Variants in TAMM41 observed in about 807,000 individuals in gnomAD.
TAMM41 encodes the protein TAM41 mitochondrial translocator assembly and maintenance homolog.
Under a neutral mutation model 44.1 loss-of-function variants are expected in TAMM41, and 36 were observed. That is an observed-to-expected ratio of 0.82 (90% CI 0.63 to 1.08). TAMM41 has a LOEUF of 1.08. Among genes scored for constraint, TAMM41 ranks in the 50% least tolerant of loss-of-function variants. The probability of loss-of-function intolerance (pLI) is 0.00; values close to 1 mark genes in which losing one functional copy is unlikely to be tolerated. For missense variants in TAMM41, 417 were observed against 404.3 expected, an observed-to-expected ratio of 1.03 and a Z score of -0.27; for synonymous variants, 164 against 153.1, an observed-to-expected ratio of 1.07 and a Z score of -0.53.
At chr3:11,774,834 C>A in the TAMM41 span, among the ~76,000 whole-genome samples, 1 of 151,610 alleles carries the variant, frequency 6.6e-6, no homozygotes, top group Non-Finnish European at 1.5e-5. Flanking sequence ...AATAAATTCC[C>A]AAATCCTCAT....
the TAMM41 span, among the ~76,000 whole-genome samples, chr3:11,726,627 AC>A: frequency 6.6e-6 from 1 of 151,860 alleles, no homozygotes; most frequent in Non-Finnish European, 1.5e-5. Context: ...ACATGGTGAA[AC>A]CCCGTCTCTA....
chr3:11,784,235 C>A, the TAMM41 span, among the ~76,000 whole-genome samples: 1 of 152,324 alleles, frequency 6.6e-6, no homozygotes, highest in Non-Finnish European at 1.5e-5. Context: ...TGGCTCATGC[C>A]TGTAATTCTG....
the TAMM41 span, among the ~76,000 whole-genome samples, chr3:11,773,779 C>T: frequency 1.3e-5 from 2 of 152,250 alleles, no homozygotes; most frequent in East Asian, 3.9e-4. Flanking sequence ...GTGGTTCATA[C>T]AATGAGAAAT....
the TAMM41 span, among the ~76,000 whole-genome samples, chr3:11,781,994 T>C: frequency 6.6e-6 from 1 of 152,124 alleles, no homozygotes; most frequent in African/African-American, 2.4e-5. Context: ...TCCCACTTCA[T>C]CTCAGAAGGA....
the TAMM41 span, among the ~76,000 whole-genome samples, chr3:11,747,884 T>TA: frequency 4.0e-5 from 6 of 151,098 alleles, no homozygotes; most frequent in East Asian, 3.9e-4. Flanking sequence ...TTTATTTATT[T>TA]TTTTTTTTGA....
At chr3:11,808,164 A>T in intron 6 of TAMM41, 1 of 957,270 alleles carries the variant, frequency 1.0e-6, no homozygotes, top group East Asian at 3.2e-5. Flanking sequence ...AAACAAGGGG[A>T]TGGGTTAGCT....
At chr3:11,811,128 ACT>A (rs974085831) in intron 5 of TAMM41, 4 of 152,102 alleles carry the variant, frequency 2.6e-5, no homozygotes, top group African/African-American at 9.7e-5. Flanking sequence ...TTGTCTATAA[ACT>A]CTATGAAGAG....
the TAMM41 span, among the ~76,000 whole-genome samples, chr3:11,781,770 A>AATC: frequency 3.8e-5 from 2 of 52,794 alleles, no homozygotes; most frequent in Non-Finnish European, 8.0e-5. Flanking sequence ...TAATAATAAT[A>AATC]ATAATAATAA....
chr3:11,752,798 G>A, the TAMM41 span, among the ~76,000 whole-genome samples: 11,872 of 151,788 alleles, frequency 0.078, 1,095 homozygotes, highest in African/African-American at 0.21. Context: ...ATAGGCGCAT[G>A]CCACCATGGC....
At chr3:11,778,365 G>C in the TAMM41 span, among the ~76,000 whole-genome samples, 1 of 151,986 alleles carries the variant, frequency 6.6e-6, no homozygotes, top group Non-Finnish European at 1.5e-5. Flanking sequence ...AGTAGCTGGG[G>C]CTACAGGCAC....
At chr3:11,757,134 G>T in the TAMM41 span, among the ~76,000 whole-genome samples, 1 of 152,186 alleles carries the variant, frequency 6.6e-6, no homozygotes, top group Non-Finnish European at 1.5e-5. Context: ...TAAACAACCT[G>T]CCCAGGTCAC....
chr3:11,743,335 C>CCT, the TAMM41 span, among the ~76,000 whole-genome samples: 5 of 141,012 alleles, frequency 3.5e-5, no homozygotes, highest in East Asian at 8.3e-4. Context: ...CTAATAATCT[C>CCT]TTTTTTTTTT....
intron 5 of TAMM41, among the ~76,000 whole-genome samples, chr3:11,812,687 A>G (rs1004083229): frequency 1.3e-5 from 2 of 152,204 alleles, no homozygotes; most frequent in Non-Finnish European, 2.9e-5. Flanking sequence ...TCCAGCAGAC[A>G]AGGCAATGAG....
At chr3:11,750,075 T>A in the TAMM41 span, among the ~76,000 whole-genome samples, 1 of 151,592 alleles carries the variant, frequency 6.6e-6, no homozygotes, top group African/African-American at 2.4e-5. Context: ...TTTTTGTATT[T>A]TTAGTAGAGA....
intron 4 of TAMM41, among the ~76,000 whole-genome samples, chr3:11,824,357 ATTTT>A (rs34155955): frequency 1.9e-5 from 2 of 105,130 alleles, no homozygotes; most frequent in Non-Finnish European, 3.7e-5. Flanking sequence ...TGCCTGGCTA[ATTTT>A]TTTTTTTTTT....
intron 7 of TAMM41, among the ~76,000 whole-genome samples, chr3:11,793,133 A>T (rs1005050976): frequency 6.6e-6 from 1 of 151,600 alleles, no homozygotes; most frequent in African/African-American, 2.4e-5. Context: ...CATCACATGT[A>T]TCCAACAATG....
intron 4 of TAMM41, among the ~76,000 whole-genome samples, chr3:11,819,369 G>A (rs1350409997): frequency 6.6e-6 from 1 of 152,208 alleles, no homozygotes; most frequent in East Asian, 1.9e-4. Context: ...CATACACAAG[G>A]GAACAAAGAC....
intron 5 of TAMM41, among the ~76,000 whole-genome samples, chr3:11,816,510 T>C (rs1398892735): frequency 4.6e-5 from 7 of 152,152 alleles, no homozygotes; most frequent in African/African-American, 1.7e-4. Context: ...ATCCCTATAA[T>C]CCCAGTACTT....
At chr3:11,770,898 G>T in the TAMM41 span, among the ~76,000 whole-genome samples, 1 of 152,254 alleles carries the variant, frequency 6.6e-6, no homozygotes, top group Admixed American at 6.5e-5. Context: ...TCTCTCCCCA[G>T]AGGGCTGGAG....
Sources: gnomAD v4.1 joint callset for allele counts (sites outside exome capture counted in the v4.1 genomes callset) on GRCh38, gnomAD v4.1.1 for gene constraint, MANE v1.5 for transcripts, NCBI Gene and HGNC (gene_info 2026-07-23, HGNC 2026-07-21) for gene names.